Variants in NOL4 observed in about 807,000 individuals in gnomAD.
NOL4 encodes nucleolar protein 4, also known as cancer/testis antigen 125.
In NOL4, 17 loss-of-function variants were observed where a neutral mutation model predicts 75.9. The observed-to-expected ratio is 0.22, with a 90% CI of 0.15 to 0.34. The LOEUF (loss-of-function observed/expected upper bound fraction) is 0.34. Ranked by LOEUF, NOL4 falls within the 10% of genes least tolerant of loss-of-function variation. The pLI, the probability that NOL4 is intolerant of heterozygous loss-of-function variation, is 1.00. For missense variants in NOL4, 614 were observed against 793.5 expected (o/e 0.77, Z 2.72); for synonymous variants, 292 against 289.9 (o/e 1.01, Z -0.07).
chr18:34,019,714 G>T, intron 5 of NOL4, 113 bp from the exon 6 acceptor site: 1 of 873,570 alleles, frequency 1.1e-6, no homozygotes, highest in African/African-American at 1.7e-5. Flanking sequence ...CATACAATAT[G>T]TAATTCATCC....
At position 34,085,900 on chromosome 18, in the gene NOL4, TAAC is replaced by T. The variant is rs954481927; in HGVS notation, c.772+7562_772+7564del. 1.2e-4 allele frequency among the ~76,000 whole-genome samples: 19 copies of T among 152,190 alleles called. No homozygotes were observed. The South Asian group carries it at 3.1e-3, about 25-fold the overall frequency. On this transcript the variant is annotated intron_variant, in intron 5 of 10. Coordinates refer to ENST00000261592, the MANE Select transcript of NOL4 (RefSeq NM_003787.5). ...ACATGAACACACATATACACACAAA[TAAC>T]AATATTATGAATGGATTTAATAATC...
rs769735554 is a variant in NOL4, at chr18:33,943,119, A to G, written c.1488T>C (p.Ala496=). The G allele has an allele frequency of 5.0e-6, 8 of 1,611,740 alleles. No individual in the cohort carries two copies. Among genetic ancestry groups the G allele is most frequent in the Non-Finnish European group, 5.9e-6 (7 of 1,178,726 alleles). Residue 496 remains alanine (A), a synonymous_variant, in exon 9 of 11, where the codon GCT becomes GCC. Coordinates refer to ENST00000261592, the MANE Select transcript of NOL4 (RefSeq NM_003787.5). ...CGGCATTTCTACTCTCACTCTCACA[A>G]GCTGAAGCCAAGATACTCTCTGCAA... ...SAVAESILAS[A]CESESRNAAK... is the part of the protein sequence containing the mutation.
chr18:34,215,922 A>G (rs2036855376), intron 1 of NOL4, among the ~76,000 whole-genome samples: 2 of 152,346 alleles, frequency 1.3e-5, no homozygotes, highest in Admixed American at 1.3e-4. Context: ...TTCATGGCAT[A>G]TATTTTTCTT....
intron 9 of NOL4, among the ~76,000 whole-genome samples, chr18:33,920,394 T>C (rs1005030873): frequency 1.3e-5 from 2 of 152,242 alleles, no homozygotes; most frequent in Non-Finnish European, 2.9e-5. Flanking sequence ...CATCTGTAAA[T>C]ACACTTTAAA....
chr18:33,915,585 G>C (rs917079368), intron 9 of NOL4, among the ~76,000 whole-genome samples: 5 of 152,050 alleles, frequency 3.3e-5, no homozygotes, highest in African/African-American at 7.2e-5. Flanking sequence ...TGCTCTGCTA[G>C]AGGCATGAAA....
At chr18:34,216,691 A>T (rs1236508975) in intron 1 of NOL4, among the ~76,000 whole-genome samples, 1 of 150,710 alleles carries the variant, frequency 6.6e-6, no homozygotes, top group Non-Finnish European at 1.5e-5. Context: ...TCTAAGAAAC[A>T]AGGAGGTGGG....
intron 1 of NOL4, among the ~76,000 whole-genome samples, chr18:34,207,953 T>A (rs1245434096): frequency 6.6e-6 from 1 of 152,128 alleles, no homozygotes; most frequent in Non-Finnish European, 1.5e-5. Flanking sequence ...AGGCTATTAG[T>A]GAAAATGGGA....
intron 6 of NOL4, among the ~76,000 whole-genome samples, chr18:33,989,669 G>C (rs2072768809): frequency 6.6e-6 from 1 of 151,994 alleles, no homozygotes; most frequent in Non-Finnish European, 1.5e-5. Flanking sequence ...GAATTACTAG[G>C]GAAGTATAAC....
intron 10 of NOL4, among the ~76,000 whole-genome samples, chr18:33,863,126 A>G (rs1038322005): frequency 2.0e-5 from 3 of 152,200 alleles, no homozygotes; most frequent in Non-Finnish European, 4.4e-5. Flanking sequence ...TTGTAGGGAC[A>G]TGGATGAAAT....
chr18:34,222,061 T>G, intron 1 of NOL4: 3 of 1,535,448 alleles, frequency 2.0e-6, no homozygotes, highest in Non-Finnish European at 2.6e-6. Context: ...AGATCTGCCA[T>G]CCTACTTGTA....
At chr18:34,058,276 G>A (rs1169753371) in intron 5 of NOL4, among the ~76,000 whole-genome samples, 3 of 152,114 alleles carry the variant, frequency 2.0e-5, no homozygotes, top group Non-Finnish European at 4.4e-5. Context: ...TGGGACTACA[G>A]GCACCCGCCA....
At chr18:34,129,095 A>T (rs1419898136) in intron 2 of NOL4, among the ~76,000 whole-genome samples, 4 of 151,956 alleles carry the variant, frequency 2.6e-5, no homozygotes, top group African/African-American at 4.8e-5. Context: ...TGAAATATCT[A>T]TAGTAATATG....
Position 33,927,892 on chromosome 18 carries a change from C to T in NOL4, c.1542+15173G>A, listed in dbSNP as rs145382220. On this transcript the variant is annotated intron_variant, in intron 9 of 10. Transcript: ENST00000261592. The stretch of plus-strand genomic sequence containing the variant: ...CACGAGACATGTCACACATGACACA[C>T]CGCTTCCTTTAGGAAGCATAGCCCA... 2.0e-3 allele frequency among the ~76,000 whole-genome samples: 304 copies of T among 152,114 alleles called. 1 individual carries two copies. Among genetic ancestry groups the T allele is most frequent in the Middle Eastern group, 0.014 (4 of 294 alleles).
intron 1 of NOL4, among the ~76,000 whole-genome samples, chr18:34,132,691 T>G (rs1363780073): frequency 6.7e-6 from 1 of 148,714 alleles, no homozygotes; most frequent in Admixed American, 6.7e-5. Context: ...GGAAGAAATA[T>G]ATTTAATGAG....
At chr18:33,955,961 T>C (rs528912447) in intron 8 of NOL4, among the ~76,000 whole-genome samples, 6 of 152,280 alleles carry the variant, frequency 3.9e-5, no homozygotes, top group African/African-American at 7.2e-5. Flanking sequence ...AAGTCTCCTA[T>C]ATATTCCCTA....
At chr18:34,106,887 T>C (rs997117690) in intron 2 of NOL4, among the ~76,000 whole-genome samples, 2 of 152,126 alleles carry the variant, frequency 1.3e-5, no homozygotes, top group African/African-American at 4.8e-5. Context: ...TATTTTATAT[T>C]TCAAAGCATA....
intron 1 of NOL4, among the ~76,000 whole-genome samples, chr18:34,189,481 A>G (rs1291286774): frequency 4.6e-5 from 7 of 152,312 alleles, no homozygotes; most frequent in African/African-American, 1.7e-4. Context: ...TTTCAAAGTT[A>G]ATTTATTCAG....
intron 1 of NOL4, chr18:34,220,912 T>C (rs1357381402): frequency 1.3e-5 from 2 of 152,136 alleles, no homozygotes; most frequent in East Asian, 3.8e-4. Context: ...ATACTAGATG[T>C]CTTAGCAGTA....
chr18:34,064,318 A>G (rs9948827), intron 5 of NOL4, among the ~76,000 whole-genome samples: 2,020 of 152,126 alleles, frequency 0.013, 49 homozygotes, highest in African/African-American at 0.047. Flanking sequence ...AAGGATTGCC[A>G]TCAATACCCT....
Sources: gnomAD v4.1 joint callset for allele counts (sites outside exome capture counted in the v4.1 genomes callset) on GRCh38, gnomAD v4.1.1 for gene constraint, MANE v1.5 for transcripts, NCBI Gene and HGNC (gene_info 2026-07-23, HGNC 2026-07-21) for gene names.